ADCY10: variants seen among roughly 807,000 people sequenced by gnomAD.
ADCY10 encodes adenylate cyclase 10, also known as adenylate cyclase type 10.
ADCY10 carries 156 observed loss-of-function variants against 183.3 expected under a neutral mutation model. The ratio of observed to expected loss-of-function variants is 0.85; its 90% CI spans 0.75 to 0.97. ADCY10 has a LOEUF of 0.97. Among genes scored for constraint, ADCY10 ranks in the 50% least tolerant of loss-of-function variants. ADCY10 has a pLI of 0.00. For missense variants in ADCY10, 1,745 were observed against 1,934.3 expected (o/e 0.90, Z 1.84); for synonymous variants, 645 against 670.0 (o/e 0.96, Z 0.58).
In ADCY10 at chr1:167,906,275, G is replaced by A. The variant is rs537907586; in HGVS notation, c.-58-1077C>T. On this transcript the variant is annotated intron_variant, in intron 1 of 32. Coordinates refer to ENST00000367851, the MANE Select transcript of ADCY10 (RefSeq NM_018417.6). ...GTATTCTAAAAAATGAGTGCTAAAT[G>A]TTACATATTGGATAACCTTTAAAAG... Among the ~76,000 whole-genome samples, 104 of 151,762 alleles carry A rather than the reference G, an allele frequency of 6.9e-4. 1 individual carries two copies. The highest frequency in any genetic ancestry group is 1.2e-3 in the Non-Finnish European group (82 of 67,928).
At chr1:167,904,955 G>T in intron 2 of ADCY10, 38 bp downstream of exon 2, 1 of 1,614,092 alleles carries the variant, frequency 6.2e-7, no homozygotes, top group Non-Finnish European at 8.5e-7. Context: ...CGAGCCTGTT[G>T]CTCATCCACA....
chr1:167,841,641 C>A (rs1479074894), intron 21 of ADCY10, among the ~76,000 whole-genome samples: 1 of 151,104 alleles, frequency 6.6e-6, no homozygotes, highest in South Asian at 2.1e-4. Flanking sequence ...ACTACAGGCA[C>A]AAGCCATCGC....
At chr1:167,898,171 G>T (rs980894856) in intron 6 of ADCY10, among the ~76,000 whole-genome samples, 2 of 151,618 alleles carry the variant, frequency 1.3e-5, no homozygotes, top group Non-Finnish European at 2.9e-5. Flanking sequence ...TTTGACTATT[G>T]CAGTCTTGTT....
Position 167,878,490 on chromosome 1 carries a change from T to A in ADCY10, c.1362A>T (p.Ala454=), listed in dbSNP as rs560395868. Residue 454 remains alanine, a synonymous_variant, in exon 12 of 33, where the codon GCA becomes GCT. Transcript: ENST00000367851. ...ELPKKVMKGV[A]DSGPLYQYWG... ...AATACTGATACAATGGTCCAGAATC[T>A]GCAACACCTTTCATAACTTTCTTTG... 1.7e-4 allele frequency: 272 copies of A among 1,614,174 alleles called. 5 individuals carry two copies. The South Asian group carries it at 2.5e-3, about 15-fold the overall frequency.
At chr1:167,859,570 A>C (rs1241548828) in intron 16 of ADCY10, among the ~76,000 whole-genome samples, 1 of 152,190 alleles carries the variant, frequency 6.6e-6, no homozygotes, top group East Asian at 1.9e-4. Flanking sequence ...ATGAGTGCTG[A>C]GAGAGGCCAG....
In ADCY10 at chr1:167,839,670, G is replaced by A. The variant is rs73039567; in HGVS notation, c.3008-2352C>T. On this transcript the variant is annotated intron_variant, in intron 21 of 32. Transcript: ENST00000367851. Reference sequence around the variant, plus strand: ...CCTTGAAGATTTTATTACTTAATCTGTTCATTGTCTGTCAGTTGCCATTAA... The same window carrying A: ...CCTTGAAGATTTTATTACTTAATCTATTCATTGTCTGTCAGTTGCCATTAA... Among the ~76,000 whole-genome samples, 778 of 152,118 alleles carry A rather than the reference G, an allele frequency of 5.1e-3. 10 individuals carry two copies. Among genetic ancestry groups the A allele is most frequent in the African/African-American group, 0.018 (731 of 41,502 alleles).
At position 167,880,511 on chromosome 1, in the gene ADCY10, G is replaced by A. The variant is rs1477599594; in HGVS notation, c.1119C>T (p.Cys373=). ...CTCACTGGATTTTGTGGACTTGAGA[G>A]CAGAAGTCAAATATATCCATAGCAC... is the stretch of plus-strand genomic sequence containing the variant. ...LECAMDIFDF[C]SQVHKIQTVS... The change falls in exon 10 of 33, where the codon TGC becomes TGT. Residue 373 remains cysteine, a synonymous_variant. Coordinates refer to ENST00000367851, the MANE Select transcript of ADCY10 (RefSeq NM_018417.6). 1.2e-6 allele frequency: 2 copies of A among 1,613,776 alleles called. No individual in the cohort carries two copies. The highest frequency in any genetic ancestry group is 1.6e-4 in the Middle Eastern group (1 of 6,084).
intron 8 of ADCY10, among the ~76,000 whole-genome samples, chr1:167,884,320 C>T (rs982974389): frequency 6.6e-6 from 1 of 152,042 alleles, no homozygotes; most frequent in Non-Finnish European, 1.5e-5. Flanking sequence ...TCTTATATGG[C>T]CAGAGGAGAG....
chr1:167,877,263 T>C (rs143531646), intron 12 of ADCY10, among the ~76,000 whole-genome samples: 3 of 147,942 alleles, frequency 2.0e-5, no homozygotes, highest in African/African-American at 5.0e-5. Flanking sequence ...ATATTAAGAC[T>C]GGATTATATA....
At chr1:167,847,476 C>T (rs751398548) in intron 19 of ADCY10, among the ~76,000 whole-genome samples, 11 of 149,780 alleles carry the variant, frequency 7.3e-5, no homozygotes, top group Non-Finnish European at 1.3e-4. Context: ...AGTGCAATGG[C>T]GTGATCTCGG....
chr1:167,884,658 C>T (rs980463113), intron 8 of ADCY10, among the ~76,000 whole-genome samples: 3 of 151,320 alleles, frequency 2.0e-5, no homozygotes, highest in Non-Finnish European at 4.4e-5. Flanking sequence ...GGTAACCATC[C>T]TTATATTCTC....
chr1:167,809,954 T>A, intron 32 of ADCY10, 115 bp from the exon 33 acceptor site: 1 of 1,103,020 alleles, frequency 9.1e-7, no homozygotes, highest in Non-Finnish European at 1.4e-6. Context: ...TGTGAACCCA[T>A]AGACAAAAAC....
chr1:167,856,486 GT>G (rs1553269139), intron 16 of ADCY10, 47 bp from the exon 17 acceptor site: 1 of 1,605,888 alleles, frequency 6.2e-7, no homozygotes, highest in Admixed American at 1.7e-5. Context: ...AGGACGTCAG[GT>G]TTTTTTACAC....
intron 31 of ADCY10, among the ~76,000 whole-genome samples, chr1:167,817,706 G>C (rs1662615271): frequency 6.6e-6 from 1 of 152,004 alleles, no homozygotes; most frequent in African/African-American, 2.4e-5. Flanking sequence ...TAATAATTAG[G>C]CCATACAATC....
intron 26 of ADCY10, among the ~76,000 whole-genome samples, chr1:167,827,735 T>TG (rs1663421494): frequency 6.6e-6 from 1 of 151,600 alleles, no homozygotes; most frequent in African/African-American, 2.4e-5. Context: ...TTTTTTGAGT[T>TG]GGAGTCTCGC....
Position 167,834,037 on chromosome 1 carries a change from GT to G in ADCY10, c.3349del (p.Thr1117LeufsTer31). On this transcript the variant is annotated frameshift_variant, in exon 24 of 33. Coordinates refer to ENST00000367851, the MANE Select transcript of ADCY10 (RefSeq NM_018417.6). LOFTEE classifies it high-confidence loss of function. ...YLNEGQKLLK[T>X]LKKDKSWSQT... ...GCTCCAAGATTTGTCCTTCTTGAGAGTTTTTAGCAACTTCTGTCCTTCATTC... is the reference window on the plus strand; with the variant it reads ...GCTCCAAGATTTGTCCTTCTTGAGAGTTTTAGCAACTTCTGTCCTTCATTC... The G allele has an allele frequency of 1.2e-6, 2 of 1,614,122 alleles. No individual in the cohort carries two copies. The highest frequency in any genetic ancestry group is 1.7e-6 in the Non-Finnish European group (2 of 1,180,008).
Position 167,846,139 on chromosome 1 carries a change from C to T in ADCY10, c.2562G>A (p.Met854Ile). 5.6e-6 allele frequency: 9 copies of T among 1,614,174 alleles called. No individual in the cohort carries two copies. The highest frequency in any genetic ancestry group is 7.6e-6 in the Non-Finnish European group (9 of 1,180,046). The change falls in exon 20 of 33, where the codon ATG becomes ATA. Residue 854 changes from methionine to isoleucine, a missense_variant. Coordinates refer to ENST00000367851, the MANE Select transcript of ADCY10 (RefSeq NM_018417.6). The stretch of plus-strand genomic sequence containing the variant: ...TTGCCAGGGTCTTGATCATCATCTT[C>T]ATATTCCAACAGGGGAGAATCTCAA... ...LLFEILPCWN[M>I]KMMIKTLATL... is the part of the protein sequence containing the mutation.
chr1:167,888,449 T>C (rs1250991643), intron 8 of ADCY10, among the ~76,000 whole-genome samples: 1 of 152,180 alleles, frequency 6.6e-6, no homozygotes, highest in Non-Finnish European at 1.5e-5. Context: ...TGTGTCAACA[T>C]TTTATAGTTT....
intron 25 of ADCY10, among the ~76,000 whole-genome samples, chr1:167,831,469 C>G (rs1004565040): frequency 1.3e-5 from 2 of 152,212 alleles, no homozygotes; most frequent in Admixed American, 1.3e-4. Context: ...GTTGGTATTA[C>G]AGGCGTGAGC....
Sources: gnomAD v4.1 joint callset for allele counts (sites outside exome capture counted in the v4.1 genomes callset) on GRCh38, gnomAD v4.1.1 for gene constraint, MANE v1.5 for transcripts, NCBI Gene and HGNC (gene_info 2026-07-23, HGNC 2026-07-21) for gene names.